CTTNBP2: variants seen among roughly 807,000 people sequenced by gnomAD.
CTTNBP2 encodes cortactin binding protein 2.
CTTNBP2 carries 108 observed loss-of-function variants against 156.9 expected under a neutral mutation model. That is an observed-to-expected ratio of 0.69 (90% confidence interval 0.59 to 0.81). The LOEUF is 0.81. CTTNBP2 is among the 30% of genes least tolerant of loss of function. The pLI, the probability that CTTNBP2 is intolerant of heterozygous loss-of-function variation, is 0.00. For synonymous variants in CTTNBP2, 767 were observed against 751.8 expected, an observed-to-expected ratio of 1.02 and a Z score of -0.33; for missense variants, 1,924 against 2,035.4, an observed-to-expected ratio of 0.95 and a Z score of 1.05.
rs35980261 is a variant in CTTNBP2, at chr7:117,771,615, C to T, written c.2779-4439G>A. Among the ~76,000 whole-genome samples the T allele has an allele frequency of 2.5e-3, 375 of 152,214 alleles. 9 individuals are homozygous for T. The East Asian group carries it at 0.058, about 24-fold the overall frequency. ...AAGCAATTATTGTACTGAAAGATTACGCTGGAAAGGACAAGAGTGACAGCA... is the reference window on the plus strand; with the variant it reads ...AAGCAATTATTGTACTGAAAGATTATGCTGGAAAGGACAAGAGTGACAGCA... On this transcript the variant is annotated intron_variant, in intron 8 of 22. Coordinates refer to ENST00000160373, the MANE Select transcript of CTTNBP2 (RefSeq NM_033427.3).
intron 1 of CTTNBP2, among the ~76,000 whole-genome samples, chr7:117,864,650 C>CTAGATGTATGAATATATATTCATATATT (rs1803992323): frequency 6.8e-6 from 1 of 146,302 alleles, no homozygotes. Context: ...ATTCATATAT[C>CTAGATGTATGAATATATATTCATATATT]TAGATGTATG....
chr7:117,848,189 C>A (rs1170305135), intron 2 of CTTNBP2, among the ~76,000 whole-genome samples: 2 of 152,086 alleles, frequency 1.3e-5, no homozygotes, highest in Non-Finnish European at 2.9e-5. Context: ...GGAACATTAG[C>A]AAATGTTATG....
chr7:117,792,468 G>A lies in CTTNBP2; in HGVS notation c.728C>T (p.Ala243Val). 1 of 1,614,116 alleles carries A rather than the reference G, an allele frequency of 6.2e-7. No individual in the cohort carries two copies. The change falls in exon 4 of 23, where the codon GCC (alanine) becomes GTC (valine). Residue 243 changes from alanine to valine, a missense_variant. By Grantham distance (64) the Ala-to-Val change is moderately conservative. Coordinates refer to ENST00000160373, the MANE Select transcript of CTTNBP2 (RefSeq NM_033427.3). This position sits in a 1 kb window ranked among gnomAD's most constrained non-coding sequence, Gnocchi z 4.2. ...EFDTEREQLR[A>V]KLNREEAHTT... is the part of the protein sequence containing the mutation. Reference sequence around the variant, plus strand: ...GTGTGCTTCTTCCCGGTTCAGCTTGGCACGAAGCTGTTCCCGCTCAGTGTC... The same window carrying A: ...GTGTGCTTCTTCCCGGTTCAGCTTGACACGAAGCTGTTCCCGCTCAGTGTC...
intron 16 of CTTNBP2, 68 bp from the exon 17 acceptor site, chr7:117,728,335 T>A: frequency 1.8e-6 from 2 of 1,125,752 alleles, no homozygotes; most frequent in Non-Finnish European, 2.6e-6. Flanking sequence ...AGCCCAAAAT[T>A]AAAAATATAA....
At chr7:117,786,265 TGTA>T in intron 4 of CTTNBP2, 1 of 276,490 alleles carries the variant, frequency 3.6e-6, no homozygotes, top group Non-Finnish European at 7.2e-6. Flanking sequence ...TAGGACTACA[TGTA>T]GTGACATACA....
intron 2 of CTTNBP2, among the ~76,000 whole-genome samples, chr7:117,829,543 T>C (rs1801482228): frequency 6.6e-6 from 1 of 152,198 alleles, no homozygotes; most frequent in South Asian, 2.1e-4. Flanking sequence ...GATGATGCTG[T>C]GGACCTTCTC....
rs774415522 is a variant in CTTNBP2 at position 117,719,467 on chromosome 7, G to GT, written c.4644+36dup. ...CCCCCAAAAGTCTCCCAGCTGTTGA[G>GT]TAGAGCCATTCAATGCCCCCCATTT... is the stretch of plus-strand genomic sequence containing the variant. On this transcript the variant is annotated intron_variant, in intron 21 of 22. Transcript: ENST00000160373. 8.2e-6 allele frequency: 13 copies of GT among 1,583,028 alleles called. No individual in the cohort carries two copies. In the African/African-American group the frequency reaches 1.8e-4, roughly 21 times the overall value.
At chr7:117,810,415 C>T (rs972676164) in intron 3 of CTTNBP2, among the ~76,000 whole-genome samples, 1 of 152,134 alleles carries the variant, frequency 6.6e-6, no homozygotes, top group Non-Finnish European at 1.5e-5. Context: ...ATCAAAGAGT[C>T]CTGGTTGCAT....
intron 3 of CTTNBP2, chr7:117,793,389 G>A (rs935669023): frequency 1.3e-5 from 2 of 152,178 alleles, no homozygotes; most frequent in Admixed American, 6.5e-5. Flanking sequence ...ACTACATTTG[G>A]TGTCAGTGAA....
At chr7:117,712,125 C>T (rs552952139) in intron 22 of CTTNBP2, among the ~76,000 whole-genome samples, 1 of 152,194 alleles carries the variant, frequency 6.6e-6, no homozygotes, top group African/African-American at 2.4e-5. Flanking sequence ...GCTCTACAAA[C>T]TATGTCACCT....
intron 6 of CTTNBP2, among the ~76,000 whole-genome samples, chr7:117,781,638 C>T (rs1032824685): frequency 3.3e-5 from 5 of 152,012 alleles, no homozygotes; most frequent in South Asian, 2.1e-4. Flanking sequence ...CTCGGGAGGC[C>T]GAGGCAGGGG....
intron 4 of CTTNBP2, among the ~76,000 whole-genome samples, chr7:117,786,174 C>T (rs1460695439): frequency 6.6e-6 from 1 of 152,132 alleles, no homozygotes; most frequent in Non-Finnish European, 1.5e-5. Context: ...AATGAAACTA[C>T]ACTGCTAATA....
At chr7:117,855,811 C>T (rs1803271663) in intron 2 of CTTNBP2, among the ~76,000 whole-genome samples, 1 of 152,146 alleles carries the variant, frequency 6.6e-6, no homozygotes, top group Non-Finnish European at 1.5e-5. Context: ...AAACTTAGGC[C>T]TAGATGGCAC....
chr7:117,858,475 T>C (rs1345998334), intron 2 of CTTNBP2, among the ~76,000 whole-genome samples: 1 of 152,248 alleles, frequency 6.6e-6, no homozygotes, highest in Non-Finnish European at 1.5e-5. Flanking sequence ...ATGCATGCCA[T>C]ATCTGTGGCC....
chr7:117,728,047 G>A (rs372163877), intron 17 of CTTNBP2, 42 bp downstream of exon 17: 64 of 1,567,794 alleles, frequency 4.1e-5, no homozygotes, highest in Admixed American at 1.2e-4. Flanking sequence ...AATTGGCCAC[G>A]TCTCTATCAT....
chr7:117,810,747 A>C lies in CTTNBP2; in HGVS notation c.414+18T>G, dbSNP rs747503950. The C allele has an allele frequency of 6.2e-7, 1 of 1,604,436 alleles. No individual in the cohort carries two copies. The highest frequency in any genetic ancestry group is 8.5e-7 in the Non-Finnish European group (1 of 1,172,734). ...ACACCATGTTGTGGGGAAAATGACCATTTGAACGCCTCAATACCTTCTTTT... is the reference window on the plus strand; with the variant it reads ...ACACCATGTTGTGGGGAAAATGACCCTTTGAACGCCTCAATACCTTCTTTT... On this transcript the variant is annotated intron_variant, in intron 3 of 22. Coordinates refer to ENST00000160373, the MANE Select transcript of CTTNBP2 (RefSeq NM_033427.3).
chr7:117,850,251 G>A (rs1283498050), intron 2 of CTTNBP2, among the ~76,000 whole-genome samples: 1 of 152,190 alleles, frequency 6.6e-6, no homozygotes, highest in Non-Finnish European at 1.5e-5. Flanking sequence ...GACTCTAAGT[G>A]CATGCCTGAA....
intron 8 of CTTNBP2, among the ~76,000 whole-genome samples, chr7:117,776,400 A>G (rs1463736131): frequency 6.6e-6 from 1 of 152,180 alleles, no homozygotes; most frequent in Admixed American, 6.5e-5. Flanking sequence ...AAACCTTTCA[A>G]TGGTTTCACT....
intron 3 of CTTNBP2, among the ~76,000 whole-genome samples, chr7:117,796,625 A>G (rs1296614870): frequency 6.6e-6 from 1 of 152,218 alleles, no homozygotes; most frequent in East Asian, 1.9e-4. Context: ...ACACGTGTAA[A>G]TCACATAGCA....
Sources: allele counts gnomAD v4.1 joint callset (sites outside exome capture counted in the v4.1 genomes callset), GRCh38; gene constraint gnomAD v4.1.1; non-coding constraint Gnocchi (gnomAD v3.1); transcripts MANE v1.5; gene names NCBI Gene and HGNC (gene_info 2026-07-23, HGNC 2026-07-21).